The following CCDC112 variants were observed in gnomAD, a reference collection of about 807,000 sequenced individuals.
The protein encoded by CCDC112 is coiled-coil domain containing 112, also known as coiled-coil domain-containing protein 112.
CCDC112 carries 40 observed loss-of-function variants against 66.3 expected under a neutral mutation model. The observed-to-expected ratio is 0.60, with a 90% confidence interval of 0.47 to 0.79. CCDC112 has a LOEUF of 0.79. Among genes scored for constraint, CCDC112 ranks in the 30% least tolerant of loss-of-function variants. CCDC112 has a pLI of 0.00. For missense variants in CCDC112, 659 were observed against 603.8 expected (o/e 1.09, Z -0.96); for synonymous variants, 214 against 197.2 (o/e 1.09, Z -0.71).
chr5:115,271,471 A>C lies in CCDC112; in HGVS notation c.1074T>G (p.Val358=). ...EEQRKKQKLA[V]EAWKKQKSIE... ...TACTTTTCTGTTTCTTCCAAGCTTC[A>C]ACTGCCAATTTCTGTTTCTTTCTTT... The change falls in exon 7 of 10, where the codon GTT becomes GTG. Residue 358 remains valine, a synonymous_variant. Coordinates refer to ENST00000379611, the MANE Select transcript of CCDC112 (RefSeq NM_001040440.3). 1 of 1,612,962 alleles carries C rather than the reference A, an allele frequency of 6.2e-7. No individual in the cohort carries two copies. Among genetic ancestry groups the C allele is most frequent in the South Asian group, 1.1e-5 (1 of 90,646 alleles).
At chr5:115,284,627 A>G (rs1316990010) in intron 2 of CCDC112, among the ~76,000 whole-genome samples, 160 bp downstream of exon 2, 3 of 152,158 alleles carry the variant, frequency 2.0e-5, no homozygotes, top group African/African-American at 7.2e-5. Flanking sequence ...ACAGCCTATT[A>G]TTTCATACCT....
At chr5:115,277,953 A>G (rs1410756141) in intron 3 of CCDC112, among the ~76,000 whole-genome samples, 3 of 152,164 alleles carry the variant, frequency 2.0e-5, no homozygotes, top group Admixed American at 1.3e-4. Context: ...AAGTCCTTAA[A>G]AGTAATTATT....
At chr5:115,296,308 C>A (rs1750153604) in intron 1 of CCDC112, 119 bp downstream of exon 1, 1 of 1,344,218 alleles carries the variant, frequency 7.4e-7, no homozygotes, top group South Asian at 1.8e-5. Context: ...GCGTGCCAGG[C>A]CCCGAGCAGG....
At chr5:115,288,352 G>A (rs578067436) in intron 1 of CCDC112, among the ~76,000 whole-genome samples, 2 of 152,142 alleles carry the variant, frequency 1.3e-5, no homozygotes, top group Non-Finnish European at 2.9e-5. Context: ...CTTAAGAGGT[G>A]ATCAAGTACC....
intron 1 of CCDC112, among the ~76,000 whole-genome samples, chr5:115,292,795 AG>A (rs1245410148): frequency 2.6e-5 from 4 of 152,228 alleles, no homozygotes; most frequent in African/African-American, 9.6e-5. Flanking sequence ...TATGTGTCCT[AG>A]CCTTTGCTAC....
At chr5:115,285,254 T>C (rs1396693999) in intron 1 of CCDC112, among the ~76,000 whole-genome samples, 2 of 152,148 alleles carry the variant, frequency 1.3e-5, no homozygotes, top group African/African-American at 2.4e-5. Flanking sequence ...TATAATAATA[T>C]GGTCCCTGTC....
At chr5:115,275,945 T>TA in intron 5 of CCDC112, 49 bp downstream of exon 5, 1 of 1,278,666 alleles carries the variant, frequency 7.8e-7, no homozygotes, top group Non-Finnish European at 1.1e-6. Context: ...GGCCAGTTAT[T>TA]AAAAAATAAA....
chr5:115,282,899 C>T (rs919244957), intron 2 of CCDC112, among the ~76,000 whole-genome samples: 1 of 152,092 alleles, frequency 6.6e-6, no homozygotes, highest in Non-Finnish European at 1.5e-5. Flanking sequence ...GATAGAAACA[C>T]TCTTACAATG....
intron 2 of CCDC112, among the ~76,000 whole-genome samples, chr5:115,283,889 G>A (rs902653774): frequency 6.6e-6 from 1 of 152,026 alleles, no homozygotes; most frequent in Middle Eastern, 3.2e-3. Context: ...GGGGTGCCTT[G>A]AGTTCTAATT....
chr5:115,296,418 C>G lies in CCDC112; in HGVS notation c.117+9G>C, dbSNP rs746436105. 2 of 1,566,998 alleles carry G rather than the reference C, an allele frequency of 1.3e-6. No homozygotes were observed. The highest frequency in any genetic ancestry group is 2.3e-5 in the South Asian group (2 of 88,196). ...CCGCCAGAGCAGCTCTCGGTTCTCC[C>G]GGATTTACCTGTTGAGGCGCTGGCG... On this transcript the variant is annotated intron_variant, in intron 1 of 9. Transcript: ENST00000379611.
intron 1 of CCDC112, chr5:115,289,111 GTCT>G (rs571722352): frequency 2.5e-4 from 59 of 236,828 alleles, no homozygotes; most frequent in South Asian, 1.7e-3. Flanking sequence ...CTGCAGATAA[GTCT>G]TCTTTAGTTT....
chr5:115,296,467 G>C lies in CCDC112; in HGVS notation c.77C>G (p.Ala26Gly). The C allele has an allele frequency of 6.4e-7, 1 of 1,550,834 alleles. No homozygotes were observed. The highest frequency in any genetic ancestry group is 8.7e-7 in the Non-Finnish European group (1 of 1,155,886). The stretch of plus-strand genomic sequence containing the variant: ...CGTCGCTCCCACGCCGGTCCCGGTG[G>C]CCGCGCCCGCCCCTGCCACAGCCCC... The part of the protein sequence containing the change: ...VAGAVAGAGA[A>G]TGTGVGATPA... Residue 26 changes from alanine (A) to glycine (G), a missense_variant, in exon 1 of 10, where the codon GCC becomes GGC. Transcript: ENST00000379611.
chr5:115,279,733 A>G lies in CCDC112; in HGVS notation c.275T>C (p.Phe92Ser), dbSNP rs764849155. The change falls in exon 3 of 10, where the codon TTC becomes TCC. Residue 92 changes from phenylalanine to serine, a missense_variant. Transcript: ENST00000379611. ...INMEKDKHSHFYNQKSDFRIE... is the reference protein window; with the variant it reads ...INMEKDKHSHSYNQKSDFRIE... ...TCTGAAGTCACTTTTTTGGTTGTAG[A>G]AATGACTGTGTTTATCTTTTTCCAT... 6.4e-7 allele frequency: 1 copy of G among 1,558,042 alleles called. No homozygotes were observed. Among genetic ancestry groups the G allele is most frequent in the South Asian group, 1.1e-5 (1 of 89,772 alleles).
intron 1 of CCDC112, among the ~76,000 whole-genome samples, chr5:115,287,982 C>T (rs1561499466): frequency 1.3e-5 from 2 of 150,744 alleles, no homozygotes; most frequent in African/African-American, 4.9e-5. Context: ...TCTAAAATGC[C>T]TTTTTTTTTC....
intron 2 of CCDC112, 45 bp downstream of exon 2, chr5:115,284,742 A>T (rs1234707936): frequency 6.8e-7 from 1 of 1,474,908 alleles, no homozygotes; most frequent in Admixed American, 1.7e-5. Context: ...TGTCCATTAT[A>T]AAATGGCTAG....
At position 115,271,297 on chromosome 5, in the gene CCDC112, C is replaced by T. The variant is rs766710099; in HGVS notation, c.1248G>A (p.Arg416=). 1 of 1,610,592 alleles carries T rather than the reference C, an allele frequency of 6.2e-7. No individual in the cohort carries two copies. Among genetic ancestry groups the T allele is most frequent in the Admixed American group, 1.7e-5 (1 of 59,366 alleles). ...CCTTTTCCCTTATCTCCTTTTCAAGCCTCAAAAATTCTTCCTGTTCTTTCT... is the reference window on the plus strand; with the variant it reads ...CCTTTTCCCTTATCTCCTTTTCAAGTCTCAAAAATTCTTCCTGTTCTTTCT... ...QQKKEQEEFL[R]LEKEIREKAE... Residue 416 remains arginine (R), a synonymous_variant, in exon 7 of 10, where the codon AGG becomes AGA. Transcript: ENST00000379611.
intron 1 of CCDC112, among the ~76,000 whole-genome samples, chr5:115,294,354 T>C (rs1301988874): frequency 6.6e-6 from 1 of 152,184 alleles, no homozygotes. Flanking sequence ...ATAGAACTAG[T>C]GTTCCTATAA....
At position 115,296,303 on chromosome 5, in the gene CCDC112, C is replaced by T; in HGVS notation, c.117+124G>A. On this transcript the variant is annotated intron_variant, in intron 1 of 9. Transcript: ENST00000379611. ...AACAAAGAGCAACGCCCAGCGCGTG[C>T]CAGGCCCCGAGCAGGGGAGGCGAAC... 6 of 1,340,590 alleles carry T rather than the reference C, an allele frequency of 4.5e-6. No individual in the cohort carries two copies. In the South Asian group the frequency reaches 9.3e-5, roughly 21 times the overall value. 83.0% of individuals were successfully genotyped at this position (1,340,590 alleles called of 1,614,324 possible).
chr5:115,279,585 C>T lies in CCDC112; in HGVS notation c.361+62G>A, dbSNP rs563505328. 90 of 1,550,932 alleles carry T rather than the reference C, an allele frequency of 5.8e-5. No individual in the cohort carries two copies. In the African/African-American group the frequency reaches 9.6e-4, roughly 17 times the overall value. ...ACAGTCAATGCACAAAGACAAAGCA[C>T]AGGGTAAAACTACAACTTTATATCG... On this transcript the variant is annotated intron_variant, in intron 3 of 9. Transcript: ENST00000379611.
Sources: gnomAD v4.1 joint callset for allele counts (sites outside exome capture counted in the v4.1 genomes callset) on GRCh38, gnomAD v4.1.1 for gene constraint, MANE v1.5 for transcripts, NCBI Gene and HGNC (gene_info 2026-07-23, HGNC 2026-07-21) for gene names.